The following PTPRZ1 variants were observed in gnomAD, a reference collection of about 807,000 sequenced individuals.
PTPRZ1 encodes the protein receptor-type tyrosine-protein phosphatase zeta.
In PTPRZ1, 82 loss-of-function variants were observed where a neutral mutation model predicts 214.1. That is an observed-to-expected ratio of 0.38 (90% CI 0.32 to 0.46). The LOEUF (loss-of-function observed/expected upper bound fraction) is 0.46, where lower values mean the gene tolerates loss of function less well. Among genes scored for constraint, PTPRZ1 ranks in the 20% least tolerant of loss-of-function variants. PTPRZ1 has a pLI of 1.00. For synonymous variants in PTPRZ1, 945 were observed against 987.9 expected, an observed-to-expected ratio of 0.96 and a Z score of 0.81; for missense variants, 2,603 against 2,748.7, an observed-to-expected ratio of 0.95 and a Z score of 1.19.
In PTPRZ1 at chr7:121,890,197, C is replaced by T. The variant is rs144151049; in HGVS notation, c.58+16640C>T. Among the ~76,000 whole-genome samples the T allele has an allele frequency of 2.0e-5, 3 of 152,282 alleles. No individual in the cohort carries two copies. In the East Asian group the frequency reaches 5.8e-4, roughly 29 times the overall value. ...CAACTATCCATTTAGATATGTAACACAGTTCTCAAACTTGACATGTTCAAA... is the reference window on the plus strand; with the variant it reads ...CAACTATCCATTTAGATATGTAACATAGTTCTCAAACTTGACATGTTCAAA... On this transcript the variant is annotated intron_variant, in intron 1 of 29. Transcript: ENST00000393386.
chr7:121,903,624 A>T (rs111781111), intron 1 of PTPRZ1, among the ~76,000 whole-genome samples: 1 of 152,260 alleles, frequency 6.6e-6, no homozygotes, highest in African/African-American at 2.4e-5. Context: ...GGTGAATTCT[A>T]CTTTTCTATC....
intron 2 of PTPRZ1, among the ~76,000 whole-genome samples, chr7:121,956,960 TA>T (rs373936533): frequency 6.6e-5 from 10 of 151,658 alleles, no homozygotes; most frequent in South Asian, 2.1e-4. Context: ...CAACATAGCT[TA>T]AAAAAAAAGT....
intron 1 of PTPRZ1, among the ~76,000 whole-genome samples, chr7:121,922,838 A>C (rs1225544633): frequency 6.6e-6 from 1 of 152,138 alleles, no homozygotes; most frequent in African/African-American, 2.4e-5. Context: ...CTTCACAAGC[A>C]CACATCCAAC....
chr7:121,940,281 A>G (rs1796202873), intron 2 of PTPRZ1, among the ~76,000 whole-genome samples: 1 of 152,218 alleles, frequency 6.6e-6, no homozygotes, highest in Non-Finnish European at 1.5e-5. Flanking sequence ...AGGGACTAGT[A>G]AAAGAGTCCA....
chr7:121,965,270 T>C (rs1454651396), intron 2 of PTPRZ1, among the ~76,000 whole-genome samples: 2 of 152,152 alleles, frequency 1.3e-5, no homozygotes, highest in African/African-American at 4.8e-5. Flanking sequence ...AAGCCTGGGG[T>C]CCTCTTCCAA....
chr7:122,012,504 C>T lies in PTPRZ1; in HGVS notation c.3458C>T (p.Ser1153Phe). The change falls in exon 12 of 30, where the codon TCT (serine) becomes TTT (phenylalanine). Residue 1153 changes from serine to phenylalanine, a missense_variant. By Grantham distance (155) the Ser-to-Phe change is radical (BLOSUM62 -2). Transcript: ENST00000393386. ...VLSANSEPAS[S>F]DPASSEMLSP... is the part of the protein sequence containing the mutation. ...AGTGCAAACTCAGAGCCAGCATCCTCTGACCCTGCTTCTAGTGAAATGTTA... is the reference window on the plus strand; with the variant it reads ...AGTGCAAACTCAGAGCCAGCATCCTTTGACCCTGCTTCTAGTGAAATGTTA... 1.2e-6 allele frequency: 2 copies of T among 1,614,114 alleles called. No homozygotes were observed. The highest frequency in any genetic ancestry group is 2.2e-5 in the South Asian group (2 of 91,072).
At chr7:121,950,213 A>G (rs546386901) in intron 2 of PTPRZ1, among the ~76,000 whole-genome samples, 8 of 152,282 alleles carry the variant, frequency 5.3e-5, no homozygotes, top group African/African-American at 1.7e-4. Flanking sequence ...CTTATTCACT[A>G]TCACTAGAAC....
At chr7:122,006,437 A>G (rs140534870) in intron 11 of PTPRZ1, among the ~76,000 whole-genome samples, 1,785 of 152,000 alleles carry the variant, frequency 0.012, 18 homozygotes, top group Middle Eastern at 0.034. Flanking sequence ...ACTATTCTAC[A>G]CTCTACTTCT....
At chr7:122,058,319 A>T (rs1792439795) in intron 27 of PTPRZ1, among the ~76,000 whole-genome samples, 1 of 152,072 alleles carries the variant, frequency 6.6e-6, no homozygotes, top group South Asian at 2.1e-4. Flanking sequence ...AAGAATCAGA[A>T]TTGGGATCCG....
At chr7:121,923,792 A>G (rs1309856888) in intron 1 of PTPRZ1, among the ~76,000 whole-genome samples, 1 of 152,014 alleles carries the variant, frequency 6.6e-6, no homozygotes. Flanking sequence ...ATAAGTGTAA[A>G]CAGAAATGAA....
intron 10 of PTPRZ1, among the ~76,000 whole-genome samples, chr7:122,002,510 A>G (rs936547365): frequency 6.6e-6 from 1 of 152,206 alleles, no homozygotes; most frequent in Non-Finnish European, 1.5e-5. Flanking sequence ...ATTGTAATTT[A>G]CTAGAATAGA....
Position 122,055,013 on chromosome 7 carries a change from A to C in PTPRZ1, c.6454A>C (p.Met2152Leu). The change falls in exon 27 of 30, where the codon ATG becomes CTG. Residue 2152 changes from methionine (M) to leucine (L), a missense_variant. Coordinates refer to ENST00000393386, the MANE Select transcript of PTPRZ1 (RefSeq NM_002851.3). Reference protein sequence around the residue: ...INCESFKVTLMAEEHKCLSNE... With the variant: ...INCESFKVTLLAEEHKCLSNE... Reference sequence around the variant, plus strand: ...TTGTGAGAGCTTTAAGGTCACTCTTATGGCTGAAGAACACAAATGTCTATC... The same window carrying C: ...TTGTGAGAGCTTTAAGGTCACTCTTCTGGCTGAAGAACACAAATGTCTATC... 1.2e-6 allele frequency: 2 copies of C among 1,606,428 alleles called. No individual in the cohort carries two copies. Among genetic ancestry groups the C allele is most frequent in the South Asian group, 2.2e-5 (2 of 90,590 alleles).
At chr7:122,038,047 A>G (rs771714063) in intron 18 of PTPRZ1, among the ~76,000 whole-genome samples, 2 of 152,194 alleles carry the variant, frequency 1.3e-5, no homozygotes, top group African/African-American at 2.4e-5. Context: ...ATGAGTGCCC[A>G]GTAAGGAGGA....
Position 122,019,168 on chromosome 7 carries a change from G to T in PTPRZ1, c.4888G>T (p.Gly1630Trp), listed in dbSNP as rs756696495. The T allele has an allele frequency of 6.2e-7, 1 of 1,612,158 alleles. No homozygotes were observed. The highest frequency in any genetic ancestry group is 8.5e-7 in the Non-Finnish European group (1 of 1,178,346). ...SHESRIGLAE[G>W]LESEKKAVIP... ...TGAGTCTCGTATTGGTCTAGCTGAG[G>T]GGTTGGAATCCGAGAAGAAGGCAGT... The change falls in exon 13 of 30, where the codon GGG becomes TGG. Residue 1630 changes from glycine to tryptophan, a missense_variant. By Grantham distance (184) the Gly-to-Trp change is radical. Around this residue, in one of 6 missense-constraint regions of PTPRZ1, gnomAD observed 1,913 missense variants for 1,914.3 expected, o/e 1.00. Coordinates refer to ENST00000393386, the MANE Select transcript of PTPRZ1 (RefSeq NM_002851.3).
Position 122,058,953 on chromosome 7 carries a change from T to G in PTPRZ1, c.6671+11T>G. 6.4e-7 allele frequency: 1 copy of G among 1,570,624 alleles called. No individual in the cohort carries two copies. The highest frequency in any genetic ancestry group is 1.4e-5 in the African/African-American group (1 of 73,820). ...GATTGTTCATGATGAGTAAGTTCCA[T>G]GTGTTAGATGGTTTCACACCTGCAC... On this transcript the variant is annotated intron_variant, in intron 28 of 29. Transcript: ENST00000393386.
intron 13 of PTPRZ1, among the ~76,000 whole-genome samples, chr7:122,027,842 C>G (rs925677334): frequency 6.6e-6 from 1 of 152,058 alleles, no homozygotes; most frequent in Non-Finnish European, 1.5e-5. Context: ...TATTCATTCT[C>G]GAAACCCTCA....
At chr7:121,934,722 A>T (rs115949383) in intron 2 of PTPRZ1, among the ~76,000 whole-genome samples, 2,704 of 152,260 alleles carry the variant, frequency 0.018, 81 homozygotes, top group African/African-American at 0.062. Flanking sequence ...TCACAAGAGG[A>T]TTTAGAAGTG....
intron 23 of PTPRZ1, among the ~76,000 whole-genome samples, chr7:122,049,910 A>ACGGAGGAATCTAG (rs1792115274): frequency 6.6e-6 from 1 of 152,188 alleles, no homozygotes; most frequent in Non-Finnish European, 1.5e-5. Context: ...GTATTGGAAA[A>ACGGAGGAATCTAG]CGGAGGAATC....
chr7:121,969,623 G>C (rs1374581090), intron 3 of PTPRZ1, among the ~76,000 whole-genome samples: 2 of 150,288 alleles, frequency 1.3e-5, no homozygotes, highest in Non-Finnish European at 3.0e-5. Flanking sequence ...TGCCTGATAT[G>C]TAATAAACAC....
Sources: allele counts gnomAD v4.1 joint callset (sites outside exome capture counted in the v4.1 genomes callset), GRCh38; gene constraint gnomAD v4.1.1; regional missense constraint gnomAD v4.1.1; transcripts MANE v1.5; gene names NCBI Gene and HGNC (gene_info 2026-07-23, HGNC 2026-07-21).